The following FBXO10 variants were observed in gnomAD, a reference collection of about 807,000 sequenced individuals.
FBXO10 encodes the protein F-box only protein 10.
In FBXO10, 39 loss-of-function variants were observed where a neutral mutation model predicts 80.7. The observed-to-expected ratio is 0.48, with a 90% CI of 0.37 to 0.63. The LOEUF (loss-of-function observed/expected upper bound fraction) is 0.63, where lower values mean the gene tolerates loss of function less well. FBXO10 is among the 30% of genes least tolerant of loss of function. The pLI is 0.00. For synonymous variants in FBXO10, 449 were observed against 489.6 expected (o/e 0.92, Z 1.09); for missense variants, 1,025 against 1,269.0 (o/e 0.81, Z 2.92).
chr9:37,544,744 C>T (rs1822009220), intron 1 of FBXO10, among the ~76,000 whole-genome samples: 1 of 152,050 alleles, frequency 6.6e-6, no homozygotes, highest in Non-Finnish European at 1.5e-5. Context: ...CCTGTAATCC[C>T]AGCACTTTGG....
intron 6 of FBXO10, 68 bp from the exon 7 acceptor site, chr9:37,523,045 G>C (rs1588827436): frequency 1.3e-6 from 2 of 1,541,170 alleles, no homozygotes; most frequent in Middle Eastern, 1.7e-4. Context: ...AATAGGACTT[G>C]GACAGTTTTG....
At chr9:37,571,714 C>CATATATGTATAT in intron 1 of FBXO10, among the ~76,000 whole-genome samples, 1 of 93,148 alleles carries the variant, frequency 1.1e-5, no homozygotes, top group Middle Eastern at 5.3e-3. Flanking sequence ...AAAAGAGAGC[C>CATATATGTATAT]ATATATATAT....
intron 5 of FBXO10, among the ~76,000 whole-genome samples, chr9:37,526,243 C>T (rs1821468279): frequency 6.6e-6 from 1 of 152,124 alleles, no homozygotes; most frequent in South Asian, 2.1e-4. Context: ...AAAAGAGAAA[C>T]ATATATAACA....
intron 1 of FBXO10, among the ~76,000 whole-genome samples, chr9:37,548,642 C>G (rs1281336317): frequency 6.6e-6 from 1 of 152,156 alleles, no homozygotes; most frequent in Non-Finnish European, 1.5e-5. Flanking sequence ...CAGATACTCT[C>G]TGAAGTCCTG....
chr9:37,535,604 C>T (rs1231403078), intron 3 of FBXO10, among the ~76,000 whole-genome samples: 2 of 152,010 alleles, frequency 1.3e-5, no homozygotes, highest in East Asian at 1.9e-4. Context: ...GCAATCTGCC[C>T]GCCTCAGCCT....
In FBXO10 at chr9:37,515,680, T is replaced by C. The variant is rs1365455406; in HGVS notation, c.2696+224A>G. On this transcript the variant is annotated intron_variant, in intron 10 of 10. Transcript: ENST00000432825. ...CAGCCAGTAACCTGCAGAGCTGAGA[T>C]CTGAAACCACATACCCCTGACTCTT... The C allele has an allele frequency of 8.6e-6, 4 of 462,602 alleles. No homozygotes were observed. The East Asian group carries it at 1.5e-4, about 17-fold the overall frequency. The allele number at this position is 462,602 out of a possible 1,614,324, so 28.7% of individuals were successfully genotyped here.
At chr9:37,525,759 G>A (rs1206157474) in intron 5 of FBXO10, among the ~76,000 whole-genome samples, 4 of 151,948 alleles carry the variant, frequency 2.6e-5, no homozygotes, top group African/African-American at 9.7e-5. Flanking sequence ...GGCTGGTCTC[G>A]AACTCCTGGC....
At chr9:37,549,736 A>G (rs890157828) in intron 1 of FBXO10, among the ~76,000 whole-genome samples, 7 of 152,166 alleles carry the variant, frequency 4.6e-5, no homozygotes, top group Admixed American at 4.6e-4. Flanking sequence ...CTTGAAGGAG[A>G]GCTCACTTGT....
At chr9:37,570,300 G>C (rs895489141) in intron 1 of FBXO10, among the ~76,000 whole-genome samples, 2 of 151,764 alleles carry the variant, frequency 1.3e-5, no homozygotes, top group Admixed American at 6.6e-5. Flanking sequence ...GGCAACAAGA[G>C]TGAAAGTCTG....
chr9:37,523,849 G>A (rs941623475), intron 6 of FBXO10, among the ~76,000 whole-genome samples: 3 of 152,174 alleles, frequency 2.0e-5, no homozygotes, highest in Admixed American at 6.5e-5. Flanking sequence ...CCTGGGAGGC[G>A]GAGGTTGCAG....
At chr9:37,568,854 A>C (rs982580160) in intron 1 of FBXO10, among the ~76,000 whole-genome samples, 4 of 152,244 alleles carry the variant, frequency 2.6e-5, no homozygotes, top group African/African-American at 9.6e-5. Context: ...TGAAATTTCA[A>C]GCATAACCAT....
rs1048962677 is a variant in FBXO10, at chr9:37,541,838, AT to A, written c.-6-65del. ...TCCTACTTACCAGTCCCCCTTTTTT[AT>A]TTTTTTGAGATGGAGTTTCACTCTT... is the stretch of plus-strand genomic sequence containing the variant. On this transcript the variant is annotated intron_variant, in intron 1 of 10. Coordinates refer to ENST00000432825, the MANE Select transcript of FBXO10 (RefSeq NM_012166.3). 3.3e-5 allele frequency: 45 copies of A among 1,359,948 alleles called. 1 individual carries two copies. In the Admixed American group the frequency reaches 9.7e-4, roughly 29 times the overall value. 84.2% of individuals were successfully genotyped at this position (1,359,948 alleles called of 1,614,324 possible).
At position 37,576,352 on chromosome 9, in the gene FBXO10, G is replaced by A. The variant is rs909405334; in HGVS notation, c.-148C>T. 6.6e-6 allele frequency: 1 copy of A among 152,160 alleles called. No individual in the cohort carries two copies. The highest frequency in any genetic ancestry group is 1.5e-5 in the Non-Finnish European group (1 of 68,000). 9.4% of individuals were successfully genotyped at this position (152,160 alleles called of 1,614,324 possible). On this transcript the variant is annotated 5_prime_UTR_variant, in exon 1 of 11. Transcript: ENST00000432825. ...CCGCCCGGGGGCGGACAGCTGCCTG[G>A]GGATCGTGCGGAGCCGCCGCCGTCA... is the stretch of plus-strand genomic sequence containing the variant.
At chr9:37,541,828 C>T in intron 1 of FBXO10, 54 bp from the exon 2 acceptor site, 1 of 1,417,262 alleles carries the variant, frequency 7.1e-7, no homozygotes, top group Non-Finnish European at 9.5e-7. Flanking sequence ...CTTACCAGTC[C>T]CCCTTTTTTA....
rs1004309449 is a variant in FBXO10 at position 37,521,824 on chromosome 9, C to T, written c.1945G>A (p.Gly649Ser). Residue 649 changes from glycine (G) to serine (S), a missense_variant, in exon 8 of 11, where the codon GGT becomes AGT. By Grantham distance (56) the Gly-to-Ser change is moderately conservative. Coordinates refer to ENST00000432825, the MANE Select transcript of FBXO10 (RefSeq NM_012166.3). ...GNTIYANKGC[G>S]VWMMSSSLPH... ...AGGCTGGACGACATCATCCACACACCACAGCCCTTGTTAGCTGGGACAGTG... is the reference window on the plus strand; with the variant it reads ...AGGCTGGACGACATCATCCACACACTACAGCCCTTGTTAGCTGGGACAGTG... The T allele has an allele frequency of 6.3e-7, 1 of 1,586,636 alleles. No individual in the cohort carries two copies. The highest frequency in any genetic ancestry group is 1.1e-5 in the South Asian group (1 of 89,040).
chr9:37,539,170 G>A (rs1028069977), intron 2 of FBXO10, among the ~76,000 whole-genome samples: 1 of 152,172 alleles, frequency 6.6e-6, no homozygotes, highest in Non-Finnish European at 1.5e-5. Flanking sequence ...ATTGACCTTT[G>A]ATAGATTGTC....
intron 1 of FBXO10, among the ~76,000 whole-genome samples, chr9:37,546,023 G>A (rs1696160918): frequency 6.6e-6 from 1 of 151,990 alleles, no homozygotes. Flanking sequence ...GTGCACACTT[G>A]TAATCCCAGC....
intron 1 of FBXO10, among the ~76,000 whole-genome samples, chr9:37,570,663 G>T (rs1381604650): frequency 6.6e-6 from 1 of 151,964 alleles, no homozygotes; most frequent in Non-Finnish European, 1.5e-5. Context: ...ATGAAAGAGG[G>T]GATATCTCTA....
At chr9:37,519,102 G>GGA (rs1374045892) in intron 8 of FBXO10, among the ~76,000 whole-genome samples, 3 of 152,008 alleles carry the variant, frequency 2.0e-5, no homozygotes, top group Non-Finnish European at 4.4e-5. Flanking sequence ...GTAGAGACAT[G>GGA]GTTTCACCGT....
Sources: allele counts gnomAD v4.1 joint callset (sites outside exome capture counted in the v4.1 genomes callset), GRCh38; gene constraint gnomAD v4.1.1; transcripts MANE v1.5; gene names NCBI Gene and HGNC (gene_info 2026-07-23, HGNC 2026-07-21).